The following PRKCZ variants were observed in gnomAD, a reference collection of about 807,000 sequenced individuals.
The protein encoded by PRKCZ is protein kinase C zeta type.
In PRKCZ, 33 loss-of-function variants were observed where a neutral mutation model predicts 79.5. The observed-to-expected ratio is 0.41, with a 90% confidence interval of 0.31 to 0.55. The LOEUF (loss-of-function observed/expected upper bound fraction) is 0.55. Among genes scored for constraint, PRKCZ ranks in the 20% least tolerant of loss-of-function variants. The pLI is 0.19. For synonymous variants in PRKCZ, 342 were observed against 320.9 expected (o/e 1.07, Z -0.70); for missense variants, 578 against 813.5 (o/e 0.71, Z 3.52).
intron 5 of PRKCZ, chr1:2,141,599 G>C (rs1677333824): frequency 6.5e-6 from 1 of 153,018 alleles, no homozygotes; most frequent in Non-Finnish European, 1.5e-5. Flanking sequence ...GCCCGCCTTG[G>C]CCTCCCAAAG....
At chr1:2,138,522 C>A (rs988294321) in intron 5 of PRKCZ, among the ~76,000 whole-genome samples, 1 of 152,130 alleles carries the variant, frequency 6.6e-6, no homozygotes, top group South Asian at 2.1e-4. Context: ...GGAAGGGATC[C>A]TCCAGTAAAT....
chr1:2,055,094 C>T (rs1660037522), intron 1 of PRKCZ, among the ~76,000 whole-genome samples: 1 of 152,104 alleles, frequency 6.6e-6, no homozygotes, highest in Non-Finnish European at 1.5e-5. Flanking sequence ...AGGCGCCCGC[C>T]ACCGCGCCTG....
At chr1:2,150,689 G>A (rs1398273939) in intron 8 of PRKCZ, 101 bp from the exon 9 acceptor site, 1 of 1,230,332 alleles carries the variant, frequency 8.1e-7, no homozygotes, top group Non-Finnish European at 1.1e-6. Context: ...CCTGGGCTCT[G>A]AGGAGCAGGT....
Position 2,178,825 on chromosome 1 carries a change from T to C in PRKCZ, c.1575+3512T>C, listed in dbSNP as rs1685981331. Among the ~76,000 whole-genome samples, 1 of 152,136 alleles carries C rather than the reference T, an allele frequency of 6.6e-6. No individual in the cohort carries two copies. The highest frequency in any genetic ancestry group is 2.4e-5 in the African/African-American group (1 of 41,440). On this transcript the variant is annotated intron_variant, in intron 16 of 17. Transcript: ENST00000378567. The surrounding 1 kb of genome is among the most constrained non-coding windows in gnomAD (Gnocchi z 4.3). ...TGGACTCAGGGTCTCTTTCACGGACTGCGGGGAAGGCAGTGGGAGCAGCAG... is the reference window on the plus strand; with the variant it reads ...TGGACTCAGGGTCTCTTTCACGGACCGCGGGGAAGGCAGTGGGAGCAGCAG...
chr1:2,090,659 G>A (rs2459992), intron 4 of PRKCZ, among the ~76,000 whole-genome samples: 35,007 of 152,162 alleles, frequency 0.23, 4,731 homozygotes, highest in East Asian at 0.61. Context: ...CCACAGCCGC[G>A]TGCCCCTCCT....
chr1:2,083,805 G>A (rs1339639297), intron 4 of PRKCZ, among the ~76,000 whole-genome samples: 5 of 152,166 alleles, frequency 3.3e-5, no homozygotes, highest in East Asian at 1.9e-4. Flanking sequence ...AACTCGGCAC[G>A]TGGTCATTTC....
intron 15 of PRKCZ, 24 bp from the exon 16 acceptor site, chr1:2,175,200 C>T: frequency 1.9e-6 from 3 of 1,606,038 alleles, no homozygotes; most frequent in Non-Finnish European, 2.6e-6. Flanking sequence ...GCTGACTTGT[C>T]CTTGTTTGAA....
intron 4 of PRKCZ, among the ~76,000 whole-genome samples, chr1:2,112,220 C>T (rs901777319): frequency 6.6e-6 from 1 of 152,290 alleles, no homozygotes; most frequent in East Asian, 1.9e-4. Context: ...CTTAGAATCC[C>T]CTAAATTGCT....
At chr1:2,104,991 T>G (rs1668129161) in intron 4 of PRKCZ, 2 of 911,408 alleles carry the variant, frequency 2.2e-6, no homozygotes, top group Non-Finnish European at 2.6e-6. Flanking sequence ...CACCCTGGCT[T>G]GTTGACCTTG....
intron 11 of PRKCZ, among the ~76,000 whole-genome samples, chr1:2,170,472 C>T (rs1033964616): frequency 3.7e-5 from 5 of 134,552 alleles, no homozygotes; most frequent in African/African-American, 1.2e-4. Context: ...CTTCCCACAA[C>T]GCTGTTTTTA....
chr1:2,158,428 G>A (rs76674018), intron 10 of PRKCZ, among the ~76,000 whole-genome samples: 2 of 152,186 alleles, frequency 1.3e-5, no homozygotes, highest in East Asian at 3.9e-4. Context: ...TGGCGCCCTC[G>A]CCCGCACCGC....
chr1:2,052,440 C>G (rs74528322), intron 1 of PRKCZ, among the ~76,000 whole-genome samples: 1 of 151,232 alleles, frequency 6.6e-6, no homozygotes, highest in East Asian at 2.0e-4. Context: ...CTCTTCCTCC[C>G]TCCTTCCCTG....
At chr1:2,054,960 T>A (rs2803308) in intron 1 of PRKCZ, among the ~76,000 whole-genome samples, 20,986 of 149,794 alleles carry the variant, frequency 0.14, 4,899 homozygotes, top group African/African-American at 0.49. Flanking sequence ...TTTTTTTTTT[T>A]AATACGGAGT....
chr1:2,102,468 G>C (rs1667610213), intron 4 of PRKCZ, among the ~76,000 whole-genome samples: 1 of 151,844 alleles, frequency 6.6e-6, no homozygotes, highest in Non-Finnish European at 1.5e-5. Context: ...GAGTAGCTGG[G>C]AGTACAGGCG....
rs185863030 is a variant in PRKCZ at position 2,161,339 on chromosome 1, T to C, written c.974+5247T>C. On this transcript the variant is annotated intron_variant, in intron 10 of 17. Coordinates refer to ENST00000378567, the MANE Select transcript of PRKCZ (RefSeq NM_002744.6). ...AGGCTGTGCACGGGAGAAGGGGCTCTTCCCAGCATCAGGGGCCTGGCAGGA... is the reference window on the plus strand; with the variant it reads ...AGGCTGTGCACGGGAGAAGGGGCTCCTCCCAGCATCAGGGGCCTGGCAGGA... 9.6e-4 allele frequency among the ~76,000 whole-genome samples: 146 copies of C among 152,394 alleles called. 1 individual carries two copies. Among genetic ancestry groups the C allele is most frequent in the African/African-American group, 3.5e-3 (144 of 41,602 alleles).
rs114150290 is a variant in PRKCZ at position 2,059,467 on chromosome 1, C to T, written c.284-74C>T. ...GTCCACGTGCTCAGCCTGACTGAGG[C>T]GGGACTTCCTCCGTGAGACTGTTGA... On this transcript the variant is annotated intron_variant, in intron 3 of 17. Transcript: ENST00000378567. 2.8e-4 allele frequency: 432 copies of T among 1,559,268 alleles called. 1 individual carries two copies. The African/African-American group carries it at 5.2e-3, about 19-fold the overall frequency.
At chr1:2,101,395 A>G (rs1460289744) in intron 4 of PRKCZ, among the ~76,000 whole-genome samples, 3 of 151,978 alleles carry the variant, frequency 2.0e-5, no homozygotes, top group Admixed American at 6.5e-5. Flanking sequence ...CCCGGCCCCC[A>G]GCCCTCCTTC....
rs564683522 is a variant in PRKCZ, at chr1:2,149,879, C to G, written c.688-911C>G. The stretch of plus-strand genomic sequence containing the variant: ...CTGTCTCAAAAAAAGCAGAATCCGG[C>G]TGGGCGCGGTGGCTCACGCCTGTAA... On this transcript the variant is annotated intron_variant, in intron 8 of 17. Coordinates refer to ENST00000378567, the MANE Select transcript of PRKCZ (RefSeq NM_002744.6). This position sits in a 1 kb window ranked among gnomAD's most constrained non-coding sequence, Gnocchi z 4.1. Among the ~76,000 whole-genome samples the G allele has an allele frequency of 2.7e-5, 4 of 149,740 alleles. No individual in the cohort carries two copies. Among genetic ancestry groups the G allele is most frequent in the African/African-American group, 9.9e-5 (4 of 40,504 alleles).
chr1:2,183,113 C>G (rs1265471339), intron 16 of PRKCZ, among the ~76,000 whole-genome samples: 1 of 152,204 alleles, frequency 6.6e-6, no homozygotes, highest in Admixed American at 6.5e-5. Flanking sequence ...CGCCTGTACT[C>G]CCAGCTACTC....
Sources: allele counts gnomAD v4.1 joint callset (sites outside exome capture counted in the v4.1 genomes callset), GRCh38; gene constraint gnomAD v4.1.1; non-coding constraint Gnocchi (gnomAD v3.1); transcripts MANE v1.5; gene names NCBI Gene and HGNC (gene_info 2026-07-23, HGNC 2026-07-21).